Variants in TATDN3 observed in about 807,000 individuals in gnomAD.
TATDN3 encodes the protein TatD DNase domain containing 3, also known as deoxyribonuclease TATDN3.
TATDN3 carries 29 observed loss-of-function variants against 40.1 expected under a neutral mutation model. That is an observed-to-expected ratio of 0.72 (90% CI 0.54 to 0.99). TATDN3 has a LOEUF of 0.99. TATDN3 is among the 50% of genes least tolerant of loss of function. TATDN3 has a pLI of 0.00. For synonymous variants in TATDN3, 105 were observed against 117.0 expected, an observed-to-expected ratio of 0.90 and a Z score of 0.66; for missense variants, 309 against 321.9, an observed-to-expected ratio of 0.96 and a Z score of 0.31.
At chr1:212,800,120 G>A (rs1662079875) in intron 4 of TATDN3, among the ~76,000 whole-genome samples, 1 of 152,132 alleles carries the variant, frequency 6.6e-6, no homozygotes, top group South Asian at 2.1e-4. Flanking sequence ...GAATTACCTA[G>A]TATCACACAA....
rs1662622197 is a variant in TATDN3 at position 212,807,650 on chromosome 1, A to G, written c.488-86A>G. ...TCTTGTTTATATCCTAGTGACCAACATTTACTTAAAATTTCAGACTTCTGT... is the reference window on the plus strand; with the variant it reads ...TCTTGTTTATATCCTAGTGACCAACGTTTACTTAAAATTTCAGACTTCTGT... On this transcript the variant is annotated intron_variant, in intron 7 of 9. Coordinates refer to ENST00000366974, the MANE Select transcript of TATDN3 (RefSeq NM_001042552.3). The G allele has an allele frequency of 6.8e-6, 7 of 1,023,428 alleles. No homozygotes were observed. In the South Asian group the frequency reaches 1.1e-4, roughly 16 times the overall value. The allele number at this position is 1,023,428 out of a possible 1,614,324, so 63.4% of individuals were successfully genotyped here. A position where few individuals can be genotyped will look rare whatever the true frequency, so the allele number is the denominator to read the frequency against.
At chr1:212,811,589 T>A (rs2102482616) in intron 8 of TATDN3, among the ~76,000 whole-genome samples, 1 of 151,602 alleles carries the variant, frequency 6.6e-6, no homozygotes, top group East Asian at 2.0e-4. Flanking sequence ...AAAAAATAAT[T>A]TTTTTTTGAG....
chr1:212,811,093 C>T (rs1260740879), intron 8 of TATDN3, among the ~76,000 whole-genome samples: 2 of 152,074 alleles, frequency 1.3e-5, no homozygotes, highest in African/African-American at 2.4e-5. Flanking sequence ...AGCAATTCTC[C>T]TGCCTCAGCC....
chr1:212,802,621 T>C lies in TATDN3; in HGVS notation c.259-80T>C, dbSNP rs1662236679. 3.2e-6 allele frequency: 3 copies of C among 926,518 alleles called. No homozygotes were observed. In the South Asian group the frequency reaches 4.0e-5, roughly 12 times the overall value. 57.4% of individuals were successfully genotyped at this position (926,518 alleles called of 1,614,324 possible). ...ATGTATGTAAAGCACCAGGATGGCA[T>C]AGCACCTAGCACATAATAGGAGCTT... On this transcript the variant is annotated intron_variant, in intron 4 of 9. Coordinates refer to ENST00000366974, the MANE Select transcript of TATDN3 (RefSeq NM_001042552.3).
At chr1:212,802,377 T>G (rs1158748087) in intron 4 of TATDN3, among the ~76,000 whole-genome samples, 1 of 152,238 alleles carries the variant, frequency 6.6e-6, no homozygotes, top group Non-Finnish European at 1.5e-5. Context: ...GGTTTGCCTC[T>G]CTTTTTCTTA....
chr1:212,800,525 T>C (rs1459120464), intron 4 of TATDN3, among the ~76,000 whole-genome samples: 2 of 152,224 alleles, frequency 1.3e-5, no homozygotes, highest in East Asian at 3.9e-4. Context: ...TGTTCCACTT[T>C]ACTAATTTCT....
chr1:212,809,743 G>T (rs1196904832), intron 8 of TATDN3, among the ~76,000 whole-genome samples: 3 of 151,608 alleles, frequency 2.0e-5, no homozygotes, highest in African/African-American at 7.3e-5. Flanking sequence ...TTTAAATTGG[G>T]CTAGGCACTG....
At chr1:212,794,598 AG>A in intron 1 of TATDN3, 3 of 340,190 alleles carry the variant, frequency 8.8e-6, no homozygotes, top group South Asian at 7.0e-5. Flanking sequence ...CTCAAAAAAA[AG>A]AAAAAAAATG....
chr1:212,795,115 G>C lies in TATDN3; in HGVS notation c.87G>C (p.Glu29Asp). The change falls in exon 2 of 10, where the codon GAG becomes GAC. Residue 29 changes from glutamate to aspartate, a missense_variant. Glu to Asp is a conservative substitution (Grantham distance 45). Transcript: ENST00000366974. ...DFDRDLDDVL[E>D]KAKKANVVAL... ...TTTAGGATTTGGATGATGTGTTGGA[G>C]AAAGCCAAGAAGGTAAGTCAATATT... 2 of 1,612,502 alleles carry C rather than the reference G, an allele frequency of 1.2e-6. No individual in the cohort carries two copies. The highest frequency in any genetic ancestry group is 2.2e-5 in the South Asian group (2 of 90,926).
At position 212,807,859 on chromosome 1, in the gene TATDN3, T is replaced by C. The variant is rs368585322; in HGVS notation, c.600+11T>C. ...ATAAGAAGTGGACAGGTAAATTTTT[T>C]CATTGAAACTCATCTAATACTTATG... On this transcript the variant is annotated intron_variant, in intron 8 of 9. Transcript: ENST00000366974. 221 of 1,512,386 alleles carry C rather than the reference T, an allele frequency of 1.5e-4. No individual in the cohort carries two copies. In the African/African-American group the frequency reaches 2.8e-3, roughly 19 times the overall value. The allele number at this position is 1,512,386 out of a possible 1,614,324, so 93.7% of individuals were successfully genotyped here.
intron 9 of TATDN3, among the ~76,000 whole-genome samples, chr1:212,813,772 G>A (rs1047125622): frequency 6.6e-6 from 1 of 151,532 alleles, no homozygotes; most frequent in African/African-American, 2.4e-5. Flanking sequence ...GTGCAGTGGC[G>A]CAATCTCAGC....
At chr1:212,802,847 G>A in intron 5 of TATDN3, 84 bp downstream of exon 5, 1 of 923,278 alleles carries the variant, frequency 1.1e-6, no homozygotes, top group Non-Finnish European at 1.7e-6. Flanking sequence ...CAGTATTGGT[G>A]ATTATAACTG....
At chr1:212,798,353 C>T (rs1412428620) in intron 4 of TATDN3, among the ~76,000 whole-genome samples, 1 of 151,234 alleles carries the variant, frequency 6.6e-6, no homozygotes, top group Non-Finnish European at 1.5e-5. Flanking sequence ...AATAATGTAT[C>T]TCTCTTCCTA....
chr1:212,796,526 G>A lies in TATDN3; in HGVS notation c.109G>A (p.Val37Met). The A allele has an allele frequency of 6.6e-7, 1 of 1,506,382 alleles. No homozygotes were observed. The highest frequency in any genetic ancestry group is 8.9e-7 in the Non-Finnish European group (1 of 1,126,358). 93.3% of individuals were successfully genotyped at this position (1,506,382 alleles called of 1,614,324 possible). A position where few individuals can be genotyped will look rare whatever the true frequency, so the allele number is the denominator to read the frequency against. Residue 37 changes from valine (V) to methionine (M), a missense_variant, in exon 3 of 10, where the codon GTG becomes ATG. By Grantham distance (21) the Val-to-Met change is conservative. Coordinates refer to ENST00000366974, the MANE Select transcript of TATDN3 (RefSeq NM_001042552.3). ...VLEKAKKANV[V>M]ALVAVAEHSG... is the part of the protein sequence containing the mutation. ...TTTTTTTTTTTTTCAGGCCAATGTT[G>A]TGGCCCTTGTGGCAGTTGCCGAACA...
Position 212,797,097 on chromosome 1 carries a change from G to C in TATDN3, c.174-15G>C, listed in dbSNP as rs75063374. 46,530 of 1,607,756 alleles carry C rather than the reference G, an allele frequency of 0.029. 826 individuals are homozygous for C. Among genetic ancestry groups the C allele is most frequent in the Middle Eastern group, 0.035 (211 of 6,050 alleles). On this transcript the variant is annotated splice_polypyrimidine_tract_variant and intron_variant, in intron 3 of 9. Transcript: ENST00000366974. ...TCTACTGTTCCTGCTTTCTCAGTTGGTTCTACATTTTTAGGTATAATGGGT... is the reference window on the plus strand; with the variant it reads ...TCTACTGTTCCTGCTTTCTCAGTTGCTTCTACATTTTTAGGTATAATGGGT...
At chr1:212,804,487 G>A in intron 6 of TATDN3, 58 bp downstream of exon 6, 1 of 1,560,546 alleles carries the variant, frequency 6.4e-7, no homozygotes. Flanking sequence ...AATGATCAGA[G>A]TTCTCCTGAA....
chr1:212,806,515 C>CGT (rs979640274), intron 7 of TATDN3, among the ~76,000 whole-genome samples: 14 of 150,124 alleles, frequency 9.3e-5, no homozygotes, highest in Non-Finnish European at 1.2e-4. Context: ...GGACTATGGG[C>CGT]ACACACCACC....
chr1:212,812,383 T>C (rs1483959793), intron 9 of TATDN3, 55 bp downstream of exon 9: 1 of 990,562 alleles, frequency 1.0e-6, no homozygotes, highest in African/African-American at 1.7e-5. Context: ...ATTTGAGTTC[T>C]TTTCAATTTA....
rs1663024846 is a variant in TATDN3 at position 212,813,638 on chromosome 1, A to G, written c.681+1310A>G. 2.7e-5 allele frequency among the ~76,000 whole-genome samples: 4 copies of G among 150,068 alleles called. No homozygotes were observed. In the Admixed American group the frequency reaches 2.7e-4, roughly 10 times the overall value. On this transcript the variant is annotated intron_variant, in intron 9 of 9. Coordinates refer to ENST00000366974, the MANE Select transcript of TATDN3 (RefSeq NM_001042552.3). ...ATAGTGCAGTGGCGTGATCACAGCA[A>G]CCTCGACTTTCTGGGTTCAGATGAT...
Sources: gnomAD v4.1 joint callset for allele counts (sites outside exome capture counted in the v4.1 genomes callset) on GRCh38, gnomAD v4.1.1 for gene constraint, MANE v1.5 for transcripts, NCBI Gene and HGNC (gene_info 2026-07-23, HGNC 2026-07-21) for gene names.